Variants in DLG2 observed in about 807,000 individuals in gnomAD.
DLG2 encodes disks large homolog 2.
In DLG2, 45 loss-of-function variants were observed where a neutral mutation model predicts 132.5. The ratio of observed to expected loss-of-function variants is 0.34; its 90% CI spans 0.27 to 0.44. The LOEUF is 0.44. Among genes scored for constraint, DLG2 ranks in the 20% least tolerant of loss-of-function variants. DLG2 has a pLI of 1.00. For missense variants in DLG2, 1,045 were observed against 1,196.9 expected (o/e 0.87, Z 1.87); for synonymous variants, 424 against 419.6 (o/e 1.01, Z -0.13).
intron 7 of DLG2, among the ~76,000 whole-genome samples, chr11:84,463,399 CT>C (rs1354644804): frequency 6.6e-6 from 1 of 151,024 alleles, no homozygotes; most frequent in East Asian, 2.0e-4. Flanking sequence ...GAAAGTGATG[CT>C]ATCTCAAGAA....
At chr11:83,916,379 G>C (rs1206299262) in intron 15 of DLG2, among the ~76,000 whole-genome samples, 4 of 151,916 alleles carry the variant, frequency 2.6e-5, no homozygotes, top group Non-Finnish European at 1.5e-5. Flanking sequence ...GCTGTGGTGT[G>C]ATCTTGGCTC....
intron 18 of DLG2, among the ~76,000 whole-genome samples, chr11:83,638,187 T>A: frequency 6.6e-6 from 1 of 152,176 alleles, no homozygotes; most frequent in East Asian, 1.9e-4. Context: ...CATTTTCTCC[T>A]CCACATTTTT....
At chr11:83,618,723 A>AT (rs1203891136) in intron 19 of DLG2, among the ~76,000 whole-genome samples, 1 of 152,148 alleles carries the variant, frequency 6.6e-6, no homozygotes, top group African/African-American at 2.4e-5. Context: ...AGGACTTATC[A>AT]TTTCATTCTA....
At chr11:83,551,185 C>A (rs2096381744) in intron 19 of DLG2, among the ~76,000 whole-genome samples, 1 of 152,134 alleles carries the variant, frequency 6.6e-6, no homozygotes, top group Non-Finnish European at 1.5e-5. Context: ...AAGAATTACA[C>A]ATGAGAGCTT....
intron 3 of DLG2, among the ~76,000 whole-genome samples, chr11:85,534,916 C>T (rs1482561459): frequency 6.6e-6 from 1 of 152,220 alleles, no homozygotes. Context: ...AATCTTCACA[C>T]TGTTTTCCAC....
At chr11:85,492,223 T>G (rs1399479608) in intron 3 of DLG2, among the ~76,000 whole-genome samples, 1 of 152,192 alleles carries the variant, frequency 6.6e-6, no homozygotes, top group Non-Finnish European at 1.5e-5. Context: ...ACAATAAATG[T>G]GTATTCGGTT....
chr11:83,807,954 G>A (rs142705542), intron 17 of DLG2, among the ~76,000 whole-genome samples: 17 of 152,228 alleles, frequency 1.1e-4, no homozygotes, highest in African/African-American at 4.1e-4. Flanking sequence ...CCAGCCTTAG[G>A]TCTGCAGGTA....
Position 83,532,744 on chromosome 11 carries a change from C to T in DLG2, c.2157G>A (p.Lys719=). 1 of 1,613,038 alleles carries T rather than the reference C, an allele frequency of 6.2e-7. No individual in the cohort carries two copies. The highest frequency in any genetic ancestry group is 2.2e-5 in the East Asian group (1 of 44,824). ...CAATCACTCCAGGTTTGGCATTAAA[C>T]TTCACTGTCTTCAATCGGGCACGTT... ...RKERARLKTV[K]FNAKPGVIDS... The change falls in exon 21 of 28, where the codon AAG becomes AAA. Residue 719 remains lysine (K), a synonymous_variant. Coordinates refer to ENST00000376104, the MANE Select transcript of DLG2 (RefSeq NM_001142699.3).
chr11:84,642,690 A>T (rs975752823), intron 6 of DLG2, among the ~76,000 whole-genome samples: 8 of 152,196 alleles, frequency 5.3e-5, no homozygotes, highest in African/African-American at 1.9e-4. Flanking sequence ...CCACAGCTAG[A>T]GGTTCCCCAC....
intron 7 of DLG2, among the ~76,000 whole-genome samples, chr11:84,439,662 G>A (rs1163743698): frequency 1.3e-5 from 2 of 152,168 alleles, no homozygotes; most frequent in East Asian, 3.9e-4. Context: ...AGTTTTCAAA[G>A]AGCTACTCAG....
chr11:84,495,129 C>T (rs958495577), intron 7 of DLG2, among the ~76,000 whole-genome samples: 4 of 152,098 alleles, frequency 2.6e-5, no homozygotes, highest in Non-Finnish European at 4.4e-5. Context: ...GAATTACCAT[C>T]GTACTTATAT....
At chr11:83,607,191 T>A (rs1291418577) in intron 19 of DLG2, among the ~76,000 whole-genome samples, 1 of 152,214 alleles carries the variant, frequency 6.6e-6, no homozygotes, top group African/African-American at 2.4e-5. Flanking sequence ...TTGGCTGCAT[T>A]TGATTGGCCA....
At chr11:85,150,444 T>G (rs566983882) in intron 5 of DLG2, among the ~76,000 whole-genome samples, 20 of 152,280 alleles carry the variant, frequency 1.3e-4, no homozygotes, top group African/African-American at 4.6e-4. Context: ...AACACATACC[T>G]AGATGAGTTT....
intron 6 of DLG2, among the ~76,000 whole-genome samples, chr11:84,611,364 A>G (rs566164976): frequency 6.6e-6 from 1 of 152,294 alleles, no homozygotes; most frequent in East Asian, 1.9e-4. Flanking sequence ...GAAGAAAAGG[A>G]AGTGCTGAGT....
chr11:84,679,799 C>A (rs2099724140), intron 6 of DLG2, among the ~76,000 whole-genome samples: 3 of 151,952 alleles, frequency 2.0e-5, no homozygotes, highest in South Asian at 2.1e-4. Context: ...GTTGTAGAAC[C>A]AGGATTGGAA....
intron 4 of DLG2, among the ~76,000 whole-genome samples, chr11:85,190,199 C>T (rs754198387): frequency 9.2e-5 from 14 of 152,150 alleles, no homozygotes; most frequent in Non-Finnish European, 1.9e-4. Context: ...CCTCCCAAAA[C>T]ACTTCCTTGA....
intron 7 of DLG2, among the ~76,000 whole-genome samples, chr11:84,269,793 C>T (rs1310879733): frequency 1.3e-5 from 2 of 152,180 alleles, no homozygotes; most frequent in Non-Finnish European, 2.9e-5. Flanking sequence ...CCACTGATCC[C>T]TGTGTGAATG....
chr11:84,950,558 A>G lies in DLG2; in HGVS notation c.357+161103T>C, dbSNP rs1319765069. Among the ~76,000 whole-genome samples the G allele has an allele frequency of 1.3e-5, 2 of 152,166 alleles. 1 individual carries two copies. The highest frequency in any genetic ancestry group is 3.9e-4 in the East Asian group (2 of 5,184). On this transcript the variant is annotated intron_variant, in intron 6 of 27. Coordinates refer to ENST00000376104, the MANE Select transcript of DLG2 (RefSeq NM_001142699.3). ...AATCTATATACATTCATTAACAAAG[A>G]TTTATTGAGCTCCTAAAAATGCTGT...
At chr11:85,024,297 G>A (rs1406782460) in intron 6 of DLG2, among the ~76,000 whole-genome samples, 1 of 152,172 alleles carries the variant, frequency 6.6e-6, no homozygotes, top group East Asian at 1.9e-4. Context: ...GATGGGAAAT[G>A]TATCTGACGC....
Sources: gnomAD v4.1 joint callset for allele counts (sites outside exome capture counted in the v4.1 genomes callset) on GRCh38, gnomAD v4.1.1 for gene constraint, MANE v1.5 for transcripts, NCBI Gene and HGNC (gene_info 2026-07-23, HGNC 2026-07-21) for gene names.